SIPA1L2: variants seen among roughly 807,000 people sequenced by gnomAD.
SIPA1L2 encodes signal-induced proliferation-associated 1-like protein 2.
Under a neutral mutation model 163.9 loss-of-function variants are expected in SIPA1L2, and 56 were observed. The observed-to-expected ratio is 0.34, with a 90% CI of 0.28 to 0.43. The LOEUF is 0.43. Ranked by LOEUF, SIPA1L2 falls within the 20% of genes least tolerant of loss-of-function variation. The pLI is 1.00. For synonymous variants in SIPA1L2, 877 were observed against 865.7 expected (o/e 1.01, Z -0.23); for missense variants, 1,974 against 2,193.5 (o/e 0.90, Z 2.00).
intron 16 of SIPA1L2, among the ~76,000 whole-genome samples, chr1:232,431,053 C>T (rs1428249639): frequency 1.3e-5 from 2 of 152,210 alleles, no homozygotes; most frequent in Non-Finnish European, 2.9e-5. Context: ...TGCATTAAAA[C>T]TGTCCGAATG....
chr1:232,467,957 T>C (rs1353313525), intron 8 of SIPA1L2, among the ~76,000 whole-genome samples: 1 of 152,200 alleles, frequency 6.6e-6, no homozygotes, highest in Non-Finnish European at 1.5e-5. Flanking sequence ...AATATCTAAT[T>C]GCAGATTCTC....
chr1:232,581,721 C>G (rs1476083571), intron 1 of SIPA1L2, among the ~76,000 whole-genome samples: 1 of 151,770 alleles, frequency 6.6e-6, no homozygotes, highest in Non-Finnish European at 1.5e-5. Context: ...AACTTCCCTA[C>G]CTGACAGTCA....
chr1:232,526,116 T>A (rs1056507115), intron 2 of SIPA1L2, among the ~76,000 whole-genome samples: 6 of 152,218 alleles, frequency 3.9e-5, no homozygotes, highest in Admixed American at 1.3e-4. Context: ...TTCCACTTCC[T>A]AACCTCTCTG....
intron 1 of SIPA1L2, among the ~76,000 whole-genome samples, chr1:232,606,104 C>T (rs1022306485): frequency 7.2e-5 from 11 of 152,220 alleles, no homozygotes; most frequent in African/African-American, 2.7e-4. Context: ...TTTTCATCTA[C>T]TATCATTACA....
chr1:232,404,470 C>T (rs1180856745), intron 19 of SIPA1L2, among the ~76,000 whole-genome samples: 3 of 152,116 alleles, frequency 2.0e-5, no homozygotes, highest in Admixed American at 2.0e-4. Context: ...TGACTCACTC[C>T]ACAAATCCAA....
rs1046552352 is a variant in SIPA1L2, at chr1:232,506,252, T to A, written c.1483+7605A>T. ...AGAGGGAAAAGTCTTACACATTTATTTAAGTAACCCTGGGAAGCAGGGGGG... is the reference window on the plus strand; with the variant it reads ...AGAGGGAAAAGTCTTACACATTTATATAAGTAACCCTGGGAAGCAGGGGGG... On this transcript the variant is annotated intron_variant, in intron 3 of 22. Transcript: ENST00000674635. 2.7e-4 allele frequency among the ~76,000 whole-genome samples: 41 copies of A among 152,184 alleles called. 1 individual carries two copies. The highest frequency in any genetic ancestry group is 8.0e-4 in the African/African-American group (33 of 41,424).
At chr1:232,479,148 T>C (rs1432030250) in intron 7 of SIPA1L2, among the ~76,000 whole-genome samples, 1 of 152,226 alleles carries the variant, frequency 6.6e-6, no homozygotes, top group East Asian at 1.9e-4. Flanking sequence ...AGTCAAAGCA[T>C]GATGCACTCT....
At chr1:232,400,401 C>T (rs61823567) in intron 22 of SIPA1L2, among the ~76,000 whole-genome samples, 41,272 of 152,038 alleles carry the variant, frequency 0.27, 6,227 homozygotes, top group African/African-American at 0.38. Context: ...ACCTTGTGCA[C>T]GCTCAGTCTC....
chr1:232,502,173 T>C (rs1190349945), intron 3 of SIPA1L2, among the ~76,000 whole-genome samples: 5 of 152,178 alleles, frequency 3.3e-5, no homozygotes, highest in Non-Finnish European at 5.9e-5. Context: ...GACCCTTTCT[T>C]AACCTCAGAA....
chr1:232,479,580 C>CA, intron 7 of SIPA1L2, 47 bp downstream of exon 7: 1 of 1,493,886 alleles, frequency 6.7e-7, no homozygotes, highest in East Asian at 2.3e-5. Flanking sequence ...GGGCCCACCT[C>CA]AGATTTCATA....
chr1:232,600,218 T>C (rs148036973), intron 1 of SIPA1L2, among the ~76,000 whole-genome samples: 94 of 152,278 alleles, frequency 6.2e-4, no homozygotes, highest in African/African-American at 2.2e-3. Flanking sequence ...GGGGCAGTGT[T>C]GGTGACACAG....
chr1:232,514,248 T>C lies in SIPA1L2; in HGVS notation c.1092A>G (p.Ala364=), dbSNP rs776888331. The C allele has an allele frequency of 6.2e-6, 10 of 1,614,122 alleles. No individual in the cohort carries two copies. Among genetic ancestry groups the C allele is most frequent in the Middle Eastern group, 1.6e-4 (1 of 6,084 alleles). ...RKNITTGASA[A]SQTQMPTGQT... ...GGCCCGTAGGCATCTGAGTCTGGGA[T>C]GCTGCAGATGCCCCAGTGGTTATGT... is the stretch of plus-strand genomic sequence containing the variant. The change falls in exon 3 of 23, where the codon GCA becomes GCG. Residue 364 remains alanine (A), a synonymous_variant. Coordinates refer to ENST00000674635, the MANE Select transcript of SIPA1L2 (RefSeq NM_020808.5).
intron 2 of SIPA1L2, among the ~76,000 whole-genome samples, chr1:232,548,904 A>C (rs1039668951): frequency 1.3e-5 from 2 of 152,246 alleles, no homozygotes; most frequent in Non-Finnish European, 2.9e-5. Flanking sequence ...GTGGCAGATG[A>C]GGTACAGAAG....
chr1:232,511,323 T>A (rs937613108), intron 3 of SIPA1L2, among the ~76,000 whole-genome samples: 2 of 152,128 alleles, frequency 1.3e-5, no homozygotes, highest in Non-Finnish European at 2.9e-5. Context: ...GGGACCAAGA[T>A]CTGTTGACAA....
At chr1:232,436,621 T>C (rs1662579353) in intron 15 of SIPA1L2, among the ~76,000 whole-genome samples, 1 of 152,196 alleles carries the variant, frequency 6.6e-6, no homozygotes, top group Non-Finnish European at 1.5e-5. Context: ...GCCTTCCTCA[T>C]GGCCACCCAT....
chr1:232,468,591 T>G, intron 8 of SIPA1L2, among the ~76,000 whole-genome samples: 1 of 152,226 alleles, frequency 6.6e-6, no homozygotes, highest in South Asian at 2.1e-4. Flanking sequence ...ATTACCCAAA[T>G]TGTTGCTGTT....
At chr1:232,414,274 T>C (rs190433306) in intron 19 of SIPA1L2, among the ~76,000 whole-genome samples, 1 of 152,146 alleles carries the variant, frequency 6.6e-6, no homozygotes, top group Non-Finnish European at 1.5e-5. Flanking sequence ...CACTTGAGAG[T>C]GGATTCCAAC....
At chr1:232,548,094 T>C (rs974717913) in intron 2 of SIPA1L2, among the ~76,000 whole-genome samples, 4 of 152,222 alleles carry the variant, frequency 2.6e-5, no homozygotes, top group African/African-American at 7.2e-5. Context: ...AATAATTACA[T>C]AATCCACTTT....
chr1:232,456,420 T>A (rs1353538593), intron 10 of SIPA1L2, among the ~76,000 whole-genome samples: 1 of 152,232 alleles, frequency 6.6e-6, no homozygotes, highest in African/African-American at 2.4e-5. Flanking sequence ...AGACTCATGA[T>A]AACATGAGAA....
Sources: allele counts gnomAD v4.1 joint callset (sites outside exome capture counted in the v4.1 genomes callset), GRCh38; gene constraint gnomAD v4.1.1; transcripts MANE v1.5; gene names NCBI Gene and HGNC (gene_info 2026-07-23, HGNC 2026-07-21).